The following VWA8 variants were observed in gnomAD, a reference collection of about 807,000 sequenced individuals.
The protein encoded by VWA8 is von Willebrand factor A domain-containing protein 8.
Under a neutral mutation model 241.5 loss-of-function variants are expected in VWA8, and 221 were observed. The ratio of observed to expected loss-of-function variants is 0.91; its 90% CI spans 0.82 to 1.02. The LOEUF is 1.02. Ranked by LOEUF, VWA8 falls within the 50% of genes least tolerant of loss-of-function variation. The pLI, the probability that VWA8 is intolerant of heterozygous loss-of-function variation, is 0.00. For missense variants in VWA8, 2,322 were observed against 2,328.7 expected (o/e 1.00, Z 0.06); for synonymous variants, 852 against 827.1 (o/e 1.03, Z -0.52).
intron 19 of VWA8, among the ~76,000 whole-genome samples, chr13:41,778,688 T>C (rs1868734725): frequency 1.3e-5 from 2 of 152,174 alleles, no homozygotes; most frequent in South Asian, 4.2e-4. Flanking sequence ...TCCAGCACAA[T>C]TAATATTCCT....
chr13:41,881,732 A>G (rs1593841475), intron 9 of VWA8, among the ~76,000 whole-genome samples: 2 of 107,246 alleles, frequency 1.9e-5, no homozygotes, highest in South Asian at 3.2e-4. Flanking sequence ...CTGGGGGCTG[A>G]CCCCCCCACC....
At chr13:41,869,214 C>T (rs1166299536) in intron 9 of VWA8, among the ~76,000 whole-genome samples, 2 of 152,116 alleles carry the variant, frequency 1.3e-5, no homozygotes, top group Admixed American at 6.5e-5. Flanking sequence ...AACAGAACTT[C>T]TTGGCCATCA....
At chr13:41,758,628 T>C (rs1048968620) in intron 21 of VWA8, among the ~76,000 whole-genome samples, 1 of 150,416 alleles carries the variant, frequency 6.6e-6, no homozygotes, top group Non-Finnish European at 1.5e-5. Context: ...GTTTTTTATA[T>C]ACACATTCAT....
rs1167927874 is a variant in VWA8 at position 41,816,769 on chromosome 13, T to C, written c.1876A>G (p.Asn626Asp). Reference sequence around the variant, plus strand: ...TTATCCAGAGCTTCCTGAGGTACATTTGGGACCTATTTTTTGAAAGAGTTG... The same window carrying C: ...TTATCCAGAGCTTCCTGAGGTACATCTGGGACCTATTTTTTGAAAGAGTTG... ...EIQVIKEKVP[N>D]VPQEALDKLL... is the part of the protein sequence containing the mutation. Residue 626 changes from asparagine to aspartate, a missense_variant, in exon 16 of 45, where the codon AAT (asparagine) becomes GAT (aspartate). Coordinates refer to ENST00000379310, the MANE Select transcript of VWA8 (RefSeq NM_015058.2). 2 of 1,612,450 alleles carry C rather than the reference T, an allele frequency of 1.2e-6. No individual in the cohort carries two copies. The highest frequency in any genetic ancestry group is 1.7e-6 in the Non-Finnish European group (2 of 1,179,268).
chr13:41,748,743 A>G (rs2137889081), intron 21 of VWA8, among the ~76,000 whole-genome samples: 1 of 152,350 alleles, frequency 6.6e-6, no homozygotes, highest in South Asian at 2.1e-4. Context: ...AACCTGACAG[A>G]AACAAGAAAT....
At chr13:41,729,352 G>T (rs1291772973) in intron 23 of VWA8, among the ~76,000 whole-genome samples, 190 bp downstream of exon 23, 1 of 151,992 alleles carries the variant, frequency 6.6e-6, no homozygotes. Flanking sequence ...TGCTTGGTGG[G>T]TAAAAGTAAA....
chr13:41,900,733 A>G (rs1875386409), intron 4 of VWA8, among the ~76,000 whole-genome samples: 1 of 152,238 alleles, frequency 6.6e-6, no homozygotes, highest in African/African-American at 2.4e-5. Context: ...AATATAAACT[A>G]TTATTAATGT....
chr13:41,861,160 G>A (rs1163810446), intron 12 of VWA8, among the ~76,000 whole-genome samples: 5 of 151,982 alleles, frequency 3.3e-5, no homozygotes, highest in African/African-American at 9.7e-5. Flanking sequence ...GCCGTGAGCC[G>A]AGACTGCACC....
intron 2 of VWA8, among the ~76,000 whole-genome samples, chr13:41,948,963 A>C (rs1877987310): frequency 6.7e-6 from 1 of 150,112 alleles, no homozygotes; most frequent in African/African-American, 2.5e-5. Flanking sequence ...ATACATACAC[A>C]CATACAACCA....
At position 41,671,110 on chromosome 13, in the gene VWA8, T is replaced by C; in HGVS notation, c.4447A>G (p.Thr1483Ala). ...SLSPYTTWLS[T>A]ISDTDALLAE... The stretch of plus-strand genomic sequence containing the variant: ...AGCAGTGCATCTGTGTCTGAAATGG[T>C]CGACAGCCATGTGGTATACGGCGAG... The change falls in exon 37 of 45, where the codon ACC (threonine) becomes GCC (alanine). Residue 1483 changes from threonine (T) to alanine (A), a missense_variant. Physicochemically the swap from Thr to Ala is moderately conservative, Grantham distance 58 (BLOSUM62 0). Coordinates refer to ENST00000379310, the MANE Select transcript of VWA8 (RefSeq NM_015058.2). 2 of 1,613,842 alleles carry C rather than the reference T, an allele frequency of 1.2e-6. No individual in the cohort carries two copies. The highest frequency in any genetic ancestry group is 1.7e-6 in the Non-Finnish European group (2 of 1,179,824).
At chr13:41,633,488 C>G (rs1307398605) in intron 37 of VWA8, among the ~76,000 whole-genome samples, 1 of 152,194 alleles carries the variant, frequency 6.6e-6, no homozygotes, top group Non-Finnish European at 1.5e-5. Context: ...CTGATAACTG[C>G]TCTCCTGGAA....
At chr13:41,785,924 A>G (rs1004762549) in intron 18 of VWA8, among the ~76,000 whole-genome samples, 1 of 152,134 alleles carries the variant, frequency 6.6e-6, no homozygotes, top group African/African-American at 2.4e-5. Context: ...TAGTTTACGG[A>G]ATACATCCAC....
intron 26 of VWA8, among the ~76,000 whole-genome samples, chr13:41,711,734 C>T (rs1324167626): frequency 1.3e-5 from 2 of 152,006 alleles, no homozygotes; most frequent in Non-Finnish European, 2.9e-5. Flanking sequence ...ATTAGCGGGG[C>T]GTGGTGGCGG....
intron 28 of VWA8, among the ~76,000 whole-genome samples, chr13:41,699,968 C>A (rs1484773687): frequency 6.6e-6 from 1 of 152,114 alleles, no homozygotes. Context: ...TTCTGCCTTT[C>A]CAGCAAACTC....
chr13:41,719,422 A>T (rs905702918), intron 26 of VWA8, 169 bp downstream of exon 26: 78 of 1,448,360 alleles, frequency 5.4e-5, no homozygotes, highest in Non-Finnish European at 6.4e-5. Context: ...ACAGGCCTAT[A>T]AATAATGCTA....
intron 17 of VWA8, among the ~76,000 whole-genome samples, chr13:41,806,876 C>CA (rs78099965): frequency 0.085 from 7,920 of 93,354 alleles, 291 homozygotes; most frequent in South Asian, 0.15. Context: ...GACTCCATCT[C>CA]AAAAAAAAAA....
intron 40 of VWA8, among the ~76,000 whole-genome samples, chr13:41,594,997 G>A (rs142650984): frequency 7.9e-5 from 12 of 152,246 alleles, no homozygotes; most frequent in African/African-American, 2.6e-4. Context: ...GGGAGAAACC[G>A]CTACATTTCA....
At chr13:41,895,121 G>A (rs1211916815) in intron 4 of VWA8, among the ~76,000 whole-genome samples, 1 of 152,046 alleles carries the variant, frequency 6.6e-6, no homozygotes, top group African/African-American at 2.4e-5. Context: ...CTAGATGTTG[G>A]AGATAGTTTG....
At chr13:41,816,648 C>T in intron 16 of VWA8, 50 bp downstream of exon 16, 5 of 1,525,926 alleles carry the variant, frequency 3.3e-6, no homozygotes, top group Non-Finnish European at 4.5e-6. Context: ...GAAAAGAAAA[C>T]CAGCAGCATG....
Sources: gnomAD v4.1 joint callset for allele counts (sites outside exome capture counted in the v4.1 genomes callset) on GRCh38, gnomAD v4.1.1 for gene constraint, MANE v1.5 for transcripts, NCBI Gene and HGNC (gene_info 2026-07-23, HGNC 2026-07-21) for gene names.